The following CEP63 variants were observed in gnomAD, a reference collection of about 807,000 sequenced individuals.
CEP63 encodes the protein centrosomal protein 63, also known as centrosomal protein of 63 kDa.
CEP63 carries 84 observed loss-of-function variants against 89.1 expected under a neutral mutation model. That is an observed-to-expected ratio of 0.94 (90% CI 0.79 to 1.13). The LOEUF (loss-of-function observed/expected upper bound fraction) is 1.13, where lower values mean the gene tolerates loss of function less well. CEP63 is among the 50% of genes most tolerant of loss of function. The pLI is 0.00. For synonymous variants in CEP63, 267 were observed against 272.5 expected, an observed-to-expected ratio of 0.98 and a Z score of 0.20; for missense variants, 838 against 813.3, an observed-to-expected ratio of 1.03 and a Z score of -0.37.
the CEP63 span, among the ~76,000 whole-genome samples, chr3:134,782,499 G>A: frequency 2.6e-5 from 4 of 151,956 alleles, no homozygotes; most frequent in Admixed American, 1.3e-4. Flanking sequence ...TACTCTATCC[G>A]TATGCCCTCT....
chr3:134,689,301 T>A, the CEP63 span, among the ~76,000 whole-genome samples: 1 of 151,542 alleles, frequency 6.6e-6, no homozygotes, highest in African/African-American at 2.4e-5. Context: ...CAGAAAAAAA[T>A]GTACGTAGCT....
At chr3:134,662,390 A>G in the CEP63 span, among the ~76,000 whole-genome samples, 1 of 152,232 alleles carries the variant, frequency 6.6e-6, no homozygotes, top group Non-Finnish European at 1.5e-5. Flanking sequence ...TAGAGCTGTA[A>G]GAAATAAATT....
intron 12 of CEP63, among the ~76,000 whole-genome samples, chr3:134,555,529 T>A (rs1423661415): frequency 2.6e-5 from 4 of 151,050 alleles, no homozygotes; most frequent in East Asian, 3.9e-4. Flanking sequence ...CACAATTGCT[T>A]CAAAGAGAAT....
chr3:134,725,260 A>G, the CEP63 span, among the ~76,000 whole-genome samples: 1 of 152,184 alleles, frequency 6.6e-6, no homozygotes, highest in Non-Finnish European at 1.5e-5. Flanking sequence ...TGTCATTCTA[A>G]ATAAATATTC....
the CEP63 span, among the ~76,000 whole-genome samples, chr3:134,763,268 C>T: frequency 3.9e-5 from 6 of 152,018 alleles, no homozygotes; most frequent in African/African-American, 1.4e-4. Flanking sequence ...GTGTGATGTT[C>T]CCCTTCCTGT....
At chr3:134,602,174 GC>G in the CEP63 span, among the ~76,000 whole-genome samples, 6 of 152,170 alleles carry the variant, frequency 3.9e-5, no homozygotes, top group African/African-American at 1.4e-4. Context: ...AGCTGGAGAA[GC>G]CGGGAGTTCA....
At chr3:134,605,811 C>A in the CEP63 span, among the ~76,000 whole-genome samples, 8 of 152,172 alleles carry the variant, frequency 5.3e-5, no homozygotes, top group Non-Finnish European at 1.2e-4. Flanking sequence ...CCACGCCTTC[C>A]TCTGAGTACT....
the CEP63 span, among the ~76,000 whole-genome samples, chr3:134,776,567 TG>T: frequency 6.6e-6 from 1 of 152,216 alleles, no homozygotes; most frequent in African/African-American, 2.4e-5. Context: ...GTAGTAATTT[TG>T]CTTTGTTGAC....
At chr3:134,516,807 G>T (rs540213250) in intron 3 of CEP63, among the ~76,000 whole-genome samples, 1 of 152,178 alleles carries the variant, frequency 6.6e-6, no homozygotes, top group Non-Finnish European at 1.5e-5. Flanking sequence ...ATTTTTCTTA[G>T]TACAGAACAA....
intron 2 of CEP63, among the ~76,000 whole-genome samples, chr3:134,497,084 C>G (rs780547559): frequency 2.6e-5 from 4 of 152,088 alleles, no homozygotes; most frequent in Admixed American, 6.6e-5. Flanking sequence ...AGAGAAATGT[C>G]TATTCAAATC....
intron 9 of CEP63, among the ~76,000 whole-genome samples, chr3:134,547,704 G>A (rs1393578236): frequency 3.5e-5 from 5 of 143,742 alleles, no homozygotes; most frequent in African/African-American, 5.1e-5. Flanking sequence ...TCCGCCTCCC[G>A]GTTCAATTGA....
chr3:134,498,489 A>G (rs926654032), intron 2 of CEP63, among the ~76,000 whole-genome samples: 1 of 152,182 alleles, frequency 6.6e-6, no homozygotes, highest in African/African-American at 2.4e-5. Flanking sequence ...ATGTCAGATT[A>G]TGTTGTACAC....
the CEP63 span, among the ~76,000 whole-genome samples, chr3:134,593,868 C>T: frequency 2.0e-5 from 3 of 152,202 alleles, no homozygotes; most frequent in Admixed American, 1.3e-4. Flanking sequence ...CGTGTTCTCT[C>T]CACTGTGTTG....
In CEP63 at chr3:134,486,479, G is replaced by C. The variant is rs959683777; in HGVS notation, c.-26+277G>C. ...GCGGAGTCTGGCGTGGCGCAGCCCG[G>C]CGTGGGGTTCGGCCCCGCCAGGTGG... On this transcript the variant is annotated intron_variant, in intron 1 of 14. Coordinates refer to ENST00000675561, the MANE Select transcript of CEP63 (RefSeq NM_001353108.3). 90 of 985,534 alleles carry C rather than the reference G, an allele frequency of 9.1e-5. 1 individual carries two copies. The highest frequency in any genetic ancestry group is 1.1e-4 in the Non-Finnish European group (88 of 830,080). 61.0% of individuals were successfully genotyped at this position (985,534 alleles called of 1,614,324 possible).
At position 134,561,394 on chromosome 3, in the gene CEP63, T is replaced by A. The variant is rs199927033; in HGVS notation, c.1971T>A (p.Ser657=). ...EFISSCSLPV[S]PLGSIATRFL... The stretch of plus-strand genomic sequence containing the variant: ...TCTTCCAGTGTTCCTTGCCTGTATC[T>A]CCCCTTGGTTCAATAGCTACCAGAT... The change falls in exon 15 of 15, where the codon TCT becomes TCA. Residue 657 remains serine, a synonymous_variant. Transcript: ENST00000675561. The A allele has an allele frequency of 2.5e-5, 41 of 1,613,914 alleles. No individual in the cohort carries two copies. Among genetic ancestry groups the A allele is most frequent in the South Asian group, 4.4e-5 (4 of 91,080 alleles).
rs1410283321 is a variant in CEP63 at position 134,507,105 on chromosome 3, A to G, written c.45-4A>G. 2 of 1,612,312 alleles carry G rather than the reference A, an allele frequency of 1.2e-6. No homozygotes were observed. Among genetic ancestry groups the G allele is most frequent in the Admixed American group, 1.7e-5 (1 of 59,974 alleles). On this transcript the variant is annotated splice_polypyrimidine_tract_variant and splice_region_variant and intron_variant, in intron 2 of 14. Coordinates refer to ENST00000675561, the MANE Select transcript of CEP63 (RefSeq NM_001353108.3). ...TTTTTTTAATGATCTGTTCTTCTTT[A>G]TAGGGGATTTTTGACATCTTGTGAA...
chr3:134,621,484 C>T, the CEP63 span, among the ~76,000 whole-genome samples: 5 of 152,160 alleles, frequency 3.3e-5, no homozygotes, highest in Non-Finnish European at 7.4e-5. Flanking sequence ...GTCTCTTTTA[C>T]AAATGGTGCT....
the CEP63 span, among the ~76,000 whole-genome samples, chr3:134,688,212 C>T: frequency 1.3e-5 from 2 of 152,128 alleles, no homozygotes; most frequent in African/African-American, 2.4e-5. Flanking sequence ...TATATCCATA[C>T]AATAGATTAC....
intron 6 of CEP63, among the ~76,000 whole-genome samples, chr3:134,537,727 A>G (rs910938583): frequency 1.3e-5 from 2 of 151,770 alleles, no homozygotes; most frequent in Non-Finnish European, 2.9e-5. Flanking sequence ...TCTCAGCTCT[A>G]CTATAGTCTG....
Sources: allele counts gnomAD v4.1 joint callset (sites outside exome capture counted in the v4.1 genomes callset), GRCh38; gene constraint gnomAD v4.1.1; transcripts MANE v1.5; gene names NCBI Gene and HGNC (gene_info 2026-07-23, HGNC 2026-07-21).